Variants in CDH18 observed in about 807,000 individuals in gnomAD.
The protein encoded by CDH18 is cadherin-18.
In CDH18, 31 loss-of-function variants were observed where a neutral mutation model predicts 67.9. That is an observed-to-expected ratio of 0.46 (90% CI 0.34 to 0.62). The LOEUF (loss-of-function observed/expected upper bound fraction) is 0.62. Among genes scored for constraint, CDH18 ranks in the 20% least tolerant of loss-of-function variants. The pLI, the probability that CDH18 is intolerant of heterozygous loss-of-function variation, is 0.01. For synonymous variants in CDH18, 362 were observed against 347.2 expected, an observed-to-expected ratio of 1.04 and a Z score of -0.48; for missense variants, 890 against 975.5, an observed-to-expected ratio of 0.91 and a Z score of 1.17.
chr5:20,448,274 C>T (rs1329307316), intron 1 of CDH18, among the ~76,000 whole-genome samples: 1 of 147,114 alleles, frequency 6.8e-6, no homozygotes, highest in Admixed American at 6.7e-5. Flanking sequence ...GTATATGTGC[C>T]ACATTTTCTT....
intron 1 of CDH18, among the ~76,000 whole-genome samples, chr5:20,293,606 G>T (rs1324419501): frequency 6.6e-6 from 1 of 152,064 alleles, no homozygotes; most frequent in African/African-American, 2.4e-5. Context: ...TCTTATTCAA[G>T]AACAAATAAG....
intron 2 of CDH18, among the ~76,000 whole-genome samples, chr5:20,091,762 T>C (rs1453533253): frequency 6.6e-6 from 1 of 151,990 alleles, no homozygotes; most frequent in Non-Finnish European, 1.5e-5. Flanking sequence ...TGTTTGGTTA[T>C]ACTGAAGAGA....
At chr5:20,046,869 G>A (rs568468392) in intron 2 of CDH18, among the ~76,000 whole-genome samples, 1 of 151,748 alleles carries the variant, frequency 6.6e-6, no homozygotes, top group Non-Finnish European at 1.5e-5. Context: ...AGAAGGGAAA[G>A]TATACAGAAC....
chr5:19,720,346 A>C (rs1765919269), intron 5 of CDH18, among the ~76,000 whole-genome samples: 1 of 152,172 alleles, frequency 6.6e-6, no homozygotes, highest in Admixed American at 6.6e-5. Flanking sequence ...TGTTGATCTG[A>C]TTCAGAATGC....
intron 9 of CDH18, among the ~76,000 whole-genome samples, chr5:19,524,606 C>A (rs1306414389): frequency 6.6e-6 from 1 of 152,022 alleles, no homozygotes; most frequent in Non-Finnish European, 1.5e-5. Context: ...TTCTACATAT[C>A]ATAAAAGATT....
chr5:20,259,819 T>A (rs919148538), intron 1 of CDH18, among the ~76,000 whole-genome samples: 4 of 152,114 alleles, frequency 2.6e-5, no homozygotes, highest in Admixed American at 6.6e-5. Context: ...GCTGCCTGGA[T>A]TCTTCTTGTA....
chr5:19,823,228 T>A (rs1403172142), intron 3 of CDH18, among the ~76,000 whole-genome samples: 1 of 152,092 alleles, frequency 6.6e-6, no homozygotes, highest in Non-Finnish European at 1.5e-5. Context: ...CATCACAGGG[T>A]CCTGAGGTGA....
At chr5:19,780,216 T>C (rs1163052502) in intron 3 of CDH18, among the ~76,000 whole-genome samples, 2 of 152,142 alleles carry the variant, frequency 1.3e-5, no homozygotes, top group Non-Finnish European at 2.9e-5. Context: ...AAAGTATTCA[T>C]CATTTAACTA....
chr5:20,356,441 A>G (rs929326940), intron 1 of CDH18, among the ~76,000 whole-genome samples: 4 of 152,112 alleles, frequency 2.6e-5, no homozygotes, highest in Non-Finnish European at 2.9e-5. Context: ...GGTAATCTCA[A>G]ATGCACATGG....
At chr5:19,888,938 G>C (rs561486535) in intron 2 of CDH18, among the ~76,000 whole-genome samples, 2 of 151,982 alleles carry the variant, frequency 1.3e-5, no homozygotes, top group Admixed American at 1.3e-4. Flanking sequence ...TATCTGTGAG[G>C]GATTCATTCC....
At chr5:19,811,081 A>C (rs1490125777) in intron 3 of CDH18, among the ~76,000 whole-genome samples, 1 of 16,046 alleles carries the variant, frequency 6.2e-5, no homozygotes, top group Non-Finnish European at 1.2e-4. Context: ...AAAGAGAAAA[A>C]GAAAGAAAGA....
At chr5:19,785,356 A>G (rs1386535095) in intron 3 of CDH18, among the ~76,000 whole-genome samples, 4 of 151,822 alleles carry the variant, frequency 2.6e-5, no homozygotes, top group African/African-American at 7.3e-5. Flanking sequence ...TAGCCACTCA[A>G]TATATGCATC....
chr5:19,771,930 T>C (rs1773779547), intron 3 of CDH18, among the ~76,000 whole-genome samples: 1 of 152,206 alleles, frequency 6.6e-6, no homozygotes, highest in African/African-American at 2.4e-5. Flanking sequence ...TACTTATTAA[T>C]GCAAAATGTA....
chr5:20,494,222 A>C (rs1581105138), intron 1 of CDH18, among the ~76,000 whole-genome samples: 1 of 152,194 alleles, frequency 6.6e-6, no homozygotes, highest in Non-Finnish European at 1.5e-5. Flanking sequence ...AGAGAGTGGA[A>C]TAGACTCCAA....
chr5:20,317,449 G>C (rs1486179267), intron 1 of CDH18, among the ~76,000 whole-genome samples: 1 of 152,064 alleles, frequency 6.6e-6, no homozygotes, highest in East Asian at 1.9e-4. Flanking sequence ...GGCTTTTGAA[G>C]AGAAACAATT....
chr5:19,625,916 C>T (rs1409593905), intron 5 of CDH18, among the ~76,000 whole-genome samples: 1 of 152,118 alleles, frequency 6.6e-6, no homozygotes, highest in Non-Finnish European at 1.5e-5. Context: ...TCCCTTTTCC[C>T]CCCTTTTCTT....
At chr5:19,793,604 T>C (rs1395872768) in intron 3 of CDH18, among the ~76,000 whole-genome samples, 2 of 152,122 alleles carry the variant, frequency 1.3e-5, no homozygotes, top group East Asian at 1.9e-4. Flanking sequence ...AAATTAATTG[T>C]GGATTTTGTT....
chr5:19,977,839 G>T (rs1798644438), intron 2 of CDH18, among the ~76,000 whole-genome samples: 1 of 151,982 alleles, frequency 6.6e-6, no homozygotes, highest in Non-Finnish European at 1.5e-5. Flanking sequence ...CAACATTCTA[G>T]TCTCTTAGTT....
chr5:19,867,937 T>G (rs1197689253), intron 2 of CDH18, among the ~76,000 whole-genome samples: 1 of 152,106 alleles, frequency 6.6e-6, no homozygotes, highest in Non-Finnish European at 1.5e-5. Flanking sequence ...TTCTAGTGAG[T>G]GAGTTCTCAG....
Sources: allele counts gnomAD v4.1 joint callset (sites outside exome capture counted in the v4.1 genomes callset), GRCh38; gene constraint gnomAD v4.1.1; transcripts MANE v1.5; gene names NCBI Gene and HGNC (gene_info 2026-07-23, HGNC 2026-07-21).